Variants in NCSTN observed in about 807,000 individuals in gnomAD.
The protein encoded by NCSTN is anterior pharynx-defective 2.
A neutral mutation model predicts 87.0 loss-of-function variants in NCSTN; 22 were observed. The ratio of observed to expected loss-of-function variants is 0.25; its 90% CI spans 0.18 to 0.36. NCSTN has a LOEUF of 0.36. Ranked by LOEUF, NCSTN falls within the 10% of genes least tolerant of loss-of-function variation. The pLI is 1.00. For synonymous variants in NCSTN, 306 were observed against 327.1 expected, an observed-to-expected ratio of 0.94 and a Z score of 0.69; for missense variants, 693 against 883.3, an observed-to-expected ratio of 0.78 and a Z score of 2.73.
Position 160,358,487 on chromosome 1 carries a change from C to T in NCSTN, c.*216C>T, listed in dbSNP as rs1649245372. 10 of 625,542 alleles carry T rather than the reference C, an allele frequency of 1.6e-5. No homozygotes were observed. The East Asian group carries it at 3.0e-4, about 19-fold the overall frequency. The allele number at this position is 625,542 out of a possible 1,614,324, so 38.7% of individuals were successfully genotyped here. A position where few individuals can be genotyped will look rare whatever the true frequency, so the allele number is the denominator to read the frequency against. ...TTTCCCATCACCCCTTCCCCATTTC[C>T]TCTTCCTTCTCTACTCATGCCAGAT... On this transcript the variant is annotated 3_prime_UTR_variant, in exon 17 of 17. Coordinates refer to ENST00000294785, the MANE Select transcript of NCSTN (RefSeq NM_015331.3).
chr1:160,348,874 A>T (rs1037958328), intron 2 of NCSTN, 125 bp from the exon 3 acceptor site: 3 of 1,335,008 alleles, frequency 2.2e-6, no homozygotes, highest in Non-Finnish European at 3.2e-6. Context: ...TCAAATCTAG[A>T]GGTGCCTGTA....
chr1:160,353,415 A>G lies in NCSTN; in HGVS notation c.1179+178A>G, dbSNP rs576199723. On this transcript the variant is annotated intron_variant, in intron 10 of 16. Coordinates refer to ENST00000294785, the MANE Select transcript of NCSTN (RefSeq NM_015331.3). ...TTGTTGCTGCTGGGAAGAATCAGGA[A>G]CTCAGTGACATTCCATTGGTTCCCT... The G allele has an allele frequency of 1.7e-5, 26 of 1,498,534 alleles. No individual in the cohort carries two copies. In the African/African-American group the frequency reaches 3.5e-4, roughly 20 times the overall value. 92.8% of individuals were successfully genotyped at this position (1,498,534 alleles called of 1,614,324 possible). A position where few individuals can be genotyped will look rare whatever the true frequency, so the allele number is the denominator to read the frequency against.
At chr1:160,344,699 A>G (rs939083888) in intron 1 of NCSTN, 23 bp from the exon 2 acceptor site, 3 of 1,612,004 alleles carry the variant, frequency 1.9e-6, no homozygotes, top group South Asian at 1.1e-5. Flanking sequence ...AAATTTTTCT[A>G]ACACTTTTTA....
chr1:160,344,508 A>G (rs1571195478), intron 1 of NCSTN: 1 of 1,546,876 alleles, frequency 6.5e-7, no homozygotes, highest in Non-Finnish European at 8.7e-7. Context: ...TGGACTTTGT[A>G]ATAACCCTTT....
chr1:160,348,208 G>A (rs1648619975), intron 2 of NCSTN, among the ~76,000 whole-genome samples: 1 of 152,228 alleles, frequency 6.6e-6, no homozygotes, highest in Non-Finnish European at 1.5e-5. Context: ...GAATTATGTA[G>A]AATTCAAAGT....
chr1:160,355,601 A>G, intron 11 of NCSTN, 54 bp from the exon 12 acceptor site: 1 of 1,331,408 alleles, frequency 7.5e-7, no homozygotes, highest in African/African-American at 1.4e-5. Context: ...GAGGGAGGAA[A>G]GGGGCAGAGC....
rs754692403 is a variant in NCSTN, at chr1:160,344,749, G to A, written c.113G>A (p.Arg38Lys). The change falls in exon 2 of 17, where the codon AGG (arginine) becomes AAG (lysine). Residue 38 changes from arginine to lysine, a missense_variant. By Grantham distance (26) the Arg-to-Lys change is conservative (BLOSUM62 2). Coordinates refer to ENST00000294785, the MANE Select transcript of NCSTN (RefSeq NM_015331.3). Reference sequence around the variant, plus strand: ...TTGTGCAGGGGAAACTCAGTGGAGAGGAAGATATATATCCCCTTAAATAAA... The same window carrying A: ...TTGTGCAGGGGAAACTCAGTGGAGAAGAAGATATATATCCCCTTAAATAAA... ...AGLCRGNSVE[R>K]KIYIPLNKTA... 5.0e-6 allele frequency: 8 copies of A among 1,614,134 alleles called. No individual in the cohort carries two copies. Among genetic ancestry groups the A allele is most frequent in the African/African-American group, 1.3e-5 (1 of 75,028 alleles).
chr1:160,351,113 AGG>A lies in NCSTN; in HGVS notation c.583-107_583-106del. 7 of 1,117,630 alleles carry A rather than the reference AGG, an allele frequency of 6.3e-6. No homozygotes were observed. The South Asian group carries it at 7.6e-5, about 12-fold the overall frequency. The allele number at this position is 1,117,630 out of a possible 1,614,324, so 69.2% of individuals were successfully genotyped here. ...AGCTCAGGGATAAATGTCTCCGAAA[AGG>A]GTGTGGCTCCATCCCAAAAGGATGG... On this transcript the variant is annotated intron_variant, in intron 5 of 16. Transcript: ENST00000294785.
chr1:160,344,886 A>G, intron 2 of NCSTN, 60 bp downstream of exon 2: 2 of 1,378,476 alleles, frequency 1.5e-6, no homozygotes, highest in Non-Finnish European at 2.1e-6. Context: ...CTAGATACTA[A>G]GTAACATCCA....
chr1:160,343,637 C>G, intron 1 of NCSTN, 156 bp downstream of exon 1: 1 of 804,198 alleles, frequency 1.2e-6, no homozygotes, highest in Non-Finnish European at 2.1e-6. Context: ...AGAAGTTCCC[C>G]CTTTGCCTGG....
At chr1:160,345,764 C>A (rs572882008) in intron 2 of NCSTN, among the ~76,000 whole-genome samples, 5 of 151,052 alleles carry the variant, frequency 3.3e-5, no homozygotes, top group African/African-American at 1.2e-4. Flanking sequence ...TGAAACCCCC[C>A]CATCTCTACT....
chr1:160,355,768 G>T lies in NCSTN; in HGVS notation c.1455+11G>T. 1 of 1,611,202 alleles carries T rather than the reference G, an allele frequency of 6.2e-7. No individual in the cohort carries two copies. Among genetic ancestry groups the T allele is most frequent in the African/African-American group, 1.3e-5 (1 of 74,990 alleles). On this transcript the variant is annotated intron_variant, in intron 12 of 16. Coordinates refer to ENST00000294785, the MANE Select transcript of NCSTN (RefSeq NM_015331.3). Reference sequence around the variant, plus strand: ...ACAGACACTGCCAAGGTAGCACTGAGCCAGGCTGGGTGGGAGCCTGGGGCA... The same window carrying T: ...ACAGACACTGCCAAGGTAGCACTGATCCAGGCTGGGTGGGAGCCTGGGGCA...
In NCSTN at chr1:160,343,451, C is replaced by T. The variant is rs751031803; in HGVS notation, c.55C>T (p.Arg19Cys). 1.2e-6 allele frequency: 2 copies of T among 1,611,586 alleles called. No homozygotes were observed. Among genetic ancestry groups the T allele is most frequent in the South Asian group, 2.2e-5 (2 of 90,390 alleles). Residue 19 changes from arginine to cysteine, a missense_variant, in exon 1 of 17, where the codon CGC becomes TGC. By Grantham distance (180) the Arg-to-Cys change is radical (BLOSUM62 -3). Transcript: ENST00000294785. Reference protein sequence around the residue: ...GADPGSRGLLRLLSFCVLLAG... With the variant: ...GADPGSRGLLCLLSFCVLLAG... ...TGACCCGGGAAGTCGGGGTCTCCTT[C>T]GCCTTCTGTCTTTCTGCGTCCTACT...
chr1:160,345,976 A>G (rs560319409), intron 2 of NCSTN, among the ~76,000 whole-genome samples: 1 of 151,138 alleles, frequency 6.6e-6, no homozygotes, highest in African/African-American at 2.4e-5. Flanking sequence ...ATGCTGAATA[A>G]TTGCAAGAGG....
At chr1:160,349,786 C>T in intron 4 of NCSTN, 116 bp downstream of exon 4, 1 of 1,418,056 alleles carries the variant, frequency 7.1e-7, no homozygotes, top group South Asian at 1.2e-5. Context: ...GTGTCAGTAA[C>T]TGACTCCCAA....
chr1:160,345,463 G>T (rs183898643), intron 2 of NCSTN, among the ~76,000 whole-genome samples: 131 of 152,058 alleles, frequency 8.6e-4, no homozygotes, highest in African/African-American at 3.1e-3. Context: ...AAAATGCTGG[G>T]ATTACAGGCG....
At chr1:160,347,883 G>T (rs572573297) in intron 2 of NCSTN, among the ~76,000 whole-genome samples, 1 of 152,310 alleles carries the variant, frequency 6.6e-6, no homozygotes, top group Admixed American at 6.5e-5. Context: ...CAAAGTACTG[G>T]GATTACAGGC....
At chr1:160,352,859 C>A (rs778210683) in intron 8 of NCSTN, 28 bp from the exon 9 acceptor site, 4 of 1,568,382 alleles carry the variant, frequency 2.6e-6, no homozygotes, top group Non-Finnish European at 3.5e-6. Context: ...AATCTCTGTT[C>A]CCCCTCCCAC....
rs756588000 is a variant in NCSTN, at chr1:160,358,242, C to T, written c.2101C>T (p.Pro701Ser). 6.2e-6 allele frequency: 10 copies of T among 1,614,002 alleles called. No homozygotes were observed. In the Admixed American group the frequency reaches 1.0e-4, roughly 16 times the overall value. Residue 701 changes from proline (P) to serine (S), a missense_variant, in exon 17 of 17, where the codon CCC becomes TCC. Coordinates refer to ENST00000294785, the MANE Select transcript of NCSTN (RefSeq NM_015331.3). ...NAKADVLFIA[P>S]REPGAVSY ...CAAAGCTGATGTCCTTTTCATTGCT[C>T]CCCGGGAGCCAGGAGCTGTGTCATA...
Sources: gnomAD v4.1 joint callset for allele counts (sites outside exome capture counted in the v4.1 genomes callset) on GRCh38, gnomAD v4.1.1 for gene constraint, MANE v1.5 for transcripts, NCBI Gene and HGNC (gene_info 2026-07-23, HGNC 2026-07-21) for gene names.